Variants in SLC18A2 observed in about 807,000 individuals in gnomAD.
SLC18A2 encodes the protein solute carrier family 18 member A2, also known as synaptic vesicular amine transporter.
In SLC18A2, 33 loss-of-function variants were observed where a neutral mutation model predicts 59.2. That is an observed-to-expected ratio of 0.56 (90% confidence interval 0.42 to 0.75). The LOEUF is 0.75. Ranked by LOEUF, SLC18A2 falls within the 30% of genes least tolerant of loss-of-function variation. SLC18A2 has a pLI of 0.00. For synonymous variants in SLC18A2, 228 were observed against 253.5 expected, an observed-to-expected ratio of 0.90 and a Z score of 0.95; for missense variants, 569 against 668.6, an observed-to-expected ratio of 0.85 and a Z score of 1.64.
intron 15 of SLC18A2, among the ~76,000 whole-genome samples, chr10:117,274,542 G>A (rs143907559): frequency 1.2e-4 from 19 of 152,260 alleles, no homozygotes; most frequent in Non-Finnish European, 2.4e-4. Flanking sequence ...CCTGGGAGCC[G>A]TGCAAGGATC....
chr10:117,266,912 G>T, intron 11 of SLC18A2, 72 bp from the exon 12 acceptor site: 2 of 1,572,584 alleles, frequency 1.3e-6, no homozygotes, highest in South Asian at 1.1e-5. Flanking sequence ...TAATTGTTTT[G>T]ATTTTCATTG....
chr10:117,276,630 A>AAAAAAAAAG (rs1445853665), intron 15 of SLC18A2, among the ~76,000 whole-genome samples: 23 of 22,306 alleles, frequency 1.0e-3, no homozygotes, highest in African/African-American at 2.4e-3. Flanking sequence ...AAAAAAAAAA[A>AAAAAAAAAG]AAAGAAAGAA....
At chr10:117,265,919 G>C (rs1844342367) in intron 10 of SLC18A2, among the ~76,000 whole-genome samples, 1 of 152,050 alleles carries the variant, frequency 6.6e-6, no homozygotes, top group Admixed American at 6.5e-5. Context: ...TTGAAACTCA[G>C]TCTCTACTAA....
rs1474633830 is a variant in SLC18A2 at position 117,253,401 on chromosome 10, T to C, written c.467T>C (p.Ile156Thr). The change falls in exon 4 of 16, where the codon ATT becomes ACT. Residue 156 changes from isoleucine (I) to threonine (T), a missense_variant and splice_region_variant. Coordinates refer to ENST00000644641, the MANE Select transcript of SLC18A2 (RefSeq NM_003054.6). ...NPFIGLLTNR[I>T]GYPIPIFAGF... ...TGTCTGATGTTTGTGTTTTGCAGAA[T>C]TGGCTATCCAATTCCCATATTTGCG... 3 of 1,612,296 alleles carry C rather than the reference T, an allele frequency of 1.9e-6. No homozygotes were observed. Among genetic ancestry groups the C allele is most frequent in the Non-Finnish European group, 2.5e-6 (3 of 1,178,422 alleles).
intron 2 of SLC18A2, among the ~76,000 whole-genome samples, chr10:117,243,460 C>T (rs914032227): frequency 6.6e-6 from 1 of 152,208 alleles, no homozygotes; most frequent in Non-Finnish European, 1.5e-5. Flanking sequence ...TTCTAGTGAG[C>T]TAAGTAAAGT....
chr10:117,249,850 T>C (rs542876750), intron 3 of SLC18A2, among the ~76,000 whole-genome samples: 44 of 152,304 alleles, frequency 2.9e-4, no homozygotes, highest in East Asian at 2.5e-3. Flanking sequence ...TTGGATTAAC[T>C]GCTTCGTGAT....
chr10:117,275,583 C>T (rs898603295), intron 15 of SLC18A2, among the ~76,000 whole-genome samples: 4 of 152,170 alleles, frequency 2.6e-5, no homozygotes, highest in Non-Finnish European at 2.9e-5. Context: ...GTGCTGCAGG[C>T]GGCTCCTGTC....
At chr10:117,266,640 C>A in intron 10 of SLC18A2, 93 bp from the exon 11 acceptor site, 2 of 993,100 alleles carry the variant, frequency 2.0e-6, no homozygotes, top group Admixed American at 2.2e-5. Context: ...GTTTTATCTG[C>A]TCTCATCAAC....
chr10:117,262,939 TA>T (rs1565006709), intron 10 of SLC18A2, among the ~76,000 whole-genome samples: 2 of 152,118 alleles, frequency 1.3e-5, no homozygotes, highest in African/African-American at 4.8e-5. Flanking sequence ...GCTTTCTTTA[TA>T]AAATCTTTAA....
At position 117,270,446 on chromosome 10, in the gene SLC18A2, G is replaced by C; in HGVS notation, c.1423G>C (p.Ala475Pro). 2 of 1,613,506 alleles carry C rather than the reference G, an allele frequency of 1.2e-6. No individual in the cohort carries two copies. The highest frequency in any genetic ancestry group is 1.7e-6 in the Non-Finnish European group (2 of 1,179,880). Residue 475 changes from alanine (A) to proline (P), a missense_variant, in exon 15 of 16, where the codon GCC becomes CCC. By Grantham distance (27) the Ala-to-Pro change is conservative (BLOSUM62 -1). Around this residue, in one of 2 missense-constraint regions of SLC18A2, gnomAD observed 192 missense variants for 278.8 expected, o/e 0.69. Transcript: ENST00000644641. ...PLCFFLRSPP[A>P]KEEKMAILMD... ...CTGCTTTTTTCTTCGAAGTCCACCT[G>C]CCAAAGAAGAAAAAATGGTAAGAAA...
rs150696989 is a variant in SLC18A2 at position 117,244,176 on chromosome 10, C to G, written c.327C>G (p.Asn109Lys). 2.4e-5 allele frequency: 39 copies of G among 1,614,086 alleles called. No homozygotes were observed. Among genetic ancestry groups the G allele is most frequent in the Non-Finnish European group, 3.3e-5 (39 of 1,180,062 alleles). The change falls in exon 3 of 16, where the codon AAC becomes AAG. Residue 109 changes from asparagine (N) to lysine (K), a missense_variant. Coordinates refer to ENST00000644641, the MANE Select transcript of SLC18A2 (RefSeq NM_003054.6). ...CCGCCACACAGCACATGGTGACCAA[C>G]GCGTCCGCTGTTCCTTCCGACTGTC... is the stretch of plus-strand genomic sequence containing the variant. ...HQTATQHMVTNASAVPSDCPS... is the reference protein window; with the variant it reads ...HQTATQHMVTKASAVPSDCPS...
At chr10:117,267,056 G>A (rs923813482) in intron 12 of SLC18A2, 21 bp downstream of exon 12, 2 of 1,575,870 alleles carry the variant, frequency 1.3e-6, no homozygotes, top group Non-Finnish European at 8.7e-7. Flanking sequence ...GATGGCATTT[G>A]ACAAGTGGGA....
At chr10:117,253,515 C>T in intron 4 of SLC18A2, 58 bp downstream of exon 4, 1 of 1,106,784 alleles carries the variant, frequency 9.0e-7, no homozygotes, top group Non-Finnish European at 1.3e-6. Context: ...GCATTGATGC[C>T]CATGAGCCGG....
chr10:117,266,613 G>C lies in SLC18A2; in HGVS notation c.992-120G>C, dbSNP rs1178791921. On this transcript the variant is annotated intron_variant, in intron 10 of 15. Transcript: ENST00000644641. Reference sequence around the variant, plus strand: ...GGCGCCGGATATTAGCTGCTGGGGTGTGGGCCCCGGGGCTTCGTTTTATCT... The same window carrying C: ...GGCGCCGGATATTAGCTGCTGGGGTCTGGGCCCCGGGGCTTCGTTTTATCT... 5.3e-6 allele frequency: 4 copies of C among 761,794 alleles called. No homozygotes were observed. In the Admixed American group the frequency reaches 1.0e-4, roughly 19 times the overall value. 47.2% of individuals were successfully genotyped at this position (761,794 alleles called of 1,614,324 possible).
intron 14 of SLC18A2, 22 bp from the exon 15 acceptor site, chr10:117,270,308 C>G: frequency 4.3e-6 from 7 of 1,613,902 alleles, no homozygotes; most frequent in Non-Finnish European, 5.9e-6. Context: ...AGAGCTTTAT[C>G]TAATTCTCTG....
At chr10:117,248,788 T>C (rs1200742352) in intron 3 of SLC18A2, among the ~76,000 whole-genome samples, 3 of 152,210 alleles carry the variant, frequency 2.0e-5, no homozygotes, top group African/African-American at 7.2e-5. Context: ...AAATAATAGT[T>C]GCATCTTCAG....
rs1251379175 is a variant in SLC18A2 at position 117,278,406 on chromosome 10, AATGT to A, written c.*1145_*1148del. The stretch of plus-strand genomic sequence containing the variant: ...AGAAAAGAAAAATGGAACATCTAAA[AATGT>A]ATGTGCTAACTATATCATCCAGTGT... On this transcript the variant is annotated 3_prime_UTR_variant, in exon 16 of 16. Transcript: ENST00000644641. 6.6e-6 allele frequency: 1 copy of A among 152,224 alleles called. No homozygotes were observed. The highest frequency in any genetic ancestry group is 1.5e-5 in the Non-Finnish European group (1 of 68,036). 9.4% of individuals were successfully genotyped at this position (152,224 alleles called of 1,614,324 possible). A position where few individuals can be genotyped will look rare whatever the true frequency, so the allele number is the denominator to read the frequency against.
intron 9 of SLC18A2, among the ~76,000 whole-genome samples, 172 bp from the exon 10 acceptor site, chr10:117,257,625 A>G (rs1844244984): frequency 6.6e-6 from 1 of 152,206 alleles, no homozygotes. Flanking sequence ...GACGACCATG[A>G]TGATGATGAT....
chr10:117,268,359 A>C (rs192096469), intron 13 of SLC18A2: 52 of 152,558 alleles, frequency 3.4e-4, no homozygotes, highest in African/African-American at 1.1e-3. Context: ...GTGGCACAGC[A>C]TGGCTTTCAC....
Sources: allele counts gnomAD v4.1 joint callset (sites outside exome capture counted in the v4.1 genomes callset), GRCh38; gene constraint gnomAD v4.1.1; regional missense constraint gnomAD v4.1.1; transcripts MANE v1.5; gene names NCBI Gene and HGNC (gene_info 2026-07-23, HGNC 2026-07-21).